The following KLRK1 variants were observed in gnomAD, a reference collection of about 807,000 sequenced individuals.
The protein encoded by KLRK1 is killer cell lectin like receptor K1.
In KLRK1, 40 loss-of-function variants were observed where a neutral mutation model predicts 31.3. The ratio of observed to expected loss-of-function variants is 1.28; its 90% CI spans 0.99 to 1.67. The LOEUF (loss-of-function observed/expected upper bound fraction) is 1.67. Ranked by LOEUF, KLRK1 falls within the 40% of genes most tolerant of loss-of-function variation. KLRK1 has a pLI of 0.00. For missense variants in KLRK1, 251 were observed against 260.0 expected (o/e 0.97, Z 0.24); for synonymous variants, 77 against 77.3 (o/e 1.00, Z 0.02).
At chr12:10,379,595 T>A in intron 4 of KLRK1, 105 bp downstream of exon 4, 1 of 1,338,848 alleles carries the variant, frequency 7.5e-7, no homozygotes. Flanking sequence ...AAGATACATT[T>A]AATATTTCTA....
At chr12:10,382,139 T>G (rs1863086780) in intron 3 of KLRK1, 1 of 152,270 alleles carries the variant, frequency 6.6e-6, no homozygotes, top group Non-Finnish European at 1.5e-5. Flanking sequence ...ATAGCAACCA[T>G]GGCCCTTGGG....
chr12:10,385,536 C>T (rs1863152800), intron 3 of KLRK1, among the ~76,000 whole-genome samples: 1 of 151,932 alleles, frequency 6.6e-6, no homozygotes, highest in African/African-American at 2.4e-5. Context: ...TGTTCTCACT[C>T]ATATGTAGGA....
At chr12:10,385,540 T>C (rs1200432616) in intron 3 of KLRK1, among the ~76,000 whole-genome samples, 1 of 152,040 alleles carries the variant, frequency 6.6e-6, no homozygotes, top group Non-Finnish European at 1.5e-5. Context: ...CTCACTCATA[T>C]GTAGGAGATA....
chr12:10,382,422 C>A (rs1863092537), intron 3 of KLRK1, among the ~76,000 whole-genome samples: 1 of 151,902 alleles, frequency 6.6e-6, no homozygotes, highest in Non-Finnish European at 1.5e-5. Context: ...CTTTATAGGC[C>A]AAGAGGAAGT....
chr12:10,376,875 G>A (rs1029467617), intron 7 of KLRK1, among the ~76,000 whole-genome samples: 3 of 151,962 alleles, frequency 2.0e-5, no homozygotes, highest in East Asian at 3.9e-4. Context: ...GGAGTGCAGC[G>A]GCGCAATCTC....
intron 4 of KLRK1, 69 bp downstream of exon 4, chr12:10,379,631 C>A: frequency 6.8e-7 from 1 of 1,461,282 alleles, no homozygotes; most frequent in Non-Finnish European, 9.3e-7. Flanking sequence ...TTTATGAATA[C>A]TAACAAAAAT....
At chr12:10,388,971 C>T in intron 1 of KLRK1, 96 bp from the exon 2 acceptor site, 1 of 674,818 alleles carries the variant, frequency 1.5e-6, no homozygotes, top group Non-Finnish European at 2.4e-6. Context: ...AAACTTTTCC[C>T]CTGTGCATGC....
At position 10,379,447 on chromosome 12, in the gene KLRK1, C is replaced by T. The variant is rs774643686; in HGVS notation, c.277G>A (p.Glu93Lys). ...TAAAATATTTTAAAAATTCACTTAC[C>T]GGTCAAGGGAATTTGAACTTCTTGG... is the stretch of plus-strand genomic sequence containing the variant. ...FNQEVQIPLTESYCGPCPKNW... is the reference protein window; with the variant it reads ...FNQEVQIPLTKSYCGPCPKNW... Residue 93 changes from glutamate to lysine, a missense_variant and splice_region_variant, in exon 5 of 8, where the codon GAA (glutamate) becomes AAA (lysine). By Grantham distance (56) the Glu-to-Lys change is moderately conservative. Transcript: ENST00000240618. The T allele has an allele frequency of 3.4e-5, 49 of 1,448,498 alleles. No homozygotes were observed. Among genetic ancestry groups the T allele is most frequent in the Middle Eastern group, 1.8e-4 (1 of 5,602 alleles). 89.7% of individuals were successfully genotyped at this position (1,448,498 alleles called of 1,614,324 possible).
intron 5 of KLRK1, 36 bp downstream of exon 5, chr12:10,379,411 A>G: frequency 7.7e-7 from 1 of 1,290,990 alleles, no homozygotes; most frequent in Non-Finnish European, 1.1e-6. Context: ...AGATACATAT[A>G]ATATATGATC....
Position 10,379,897 on chromosome 12 carries a change from G to A in KLRK1, c.149-105C>T, listed in dbSNP as rs543799908. ...GTTTTTTAAATGAGAAGGTGGTATTGATCCTTTTTCTGCCTTAATAATTTT... is the reference window on the plus strand; with the variant it reads ...GTTTTTTAAATGAGAAGGTGGTATTAATCCTTTTTCTGCCTTAATAATTTT... On this transcript the variant is annotated intron_variant, in intron 3 of 7. Transcript: ENST00000240618. 106 of 1,045,388 alleles carry A rather than the reference G, an allele frequency of 1.0e-4. No individual in the cohort carries two copies. In the Admixed American group the frequency reaches 1.3e-3, roughly 13 times the overall value. 64.8% of individuals were successfully genotyped at this position (1,045,388 alleles called of 1,614,324 possible). A position where few individuals can be genotyped will look rare whatever the true frequency, so the allele number is the denominator to read the frequency against.
At chr12:10,375,439 G>A (rs904527519) in intron 7 of KLRK1, among the ~76,000 whole-genome samples, 4 of 152,096 alleles carry the variant, frequency 2.6e-5, no homozygotes, top group Non-Finnish European at 5.9e-5. Context: ...CTGTATACAG[G>A]ATTGTTAAGT....
rs763414932 is a variant in KLRK1, at chr12:10,378,248, A to G, written c.430-13T>C. The G allele has an allele frequency of 9.3e-6, 15 of 1,606,166 alleles. No homozygotes were observed. The highest frequency in any genetic ancestry group is 1.2e-5 in the Non-Finnish European group (14 of 1,176,756). On this transcript the variant is annotated splice_polypyrimidine_tract_variant and intron_variant, in intron 6 of 7. Coordinates refer to ENST00000240618, the MANE Select transcript of KLRK1 (RefSeq NM_007360.4). ...GTTTAAGTAAATCCTGTTTGAAACCACAAATAAACTATAAGTAAAATCAGT... is the reference window on the plus strand; with the variant it reads ...GTTTAAGTAAATCCTGTTTGAAACCGCAAATAAACTATAAGTAAAATCAGT...
intron 7 of KLRK1, chr12:10,373,980 G>T (rs1268318207): frequency 2.6e-5 from 4 of 152,236 alleles, no homozygotes; most frequent in Non-Finnish European, 5.9e-5. Context: ...ATCGGCCACT[G>T]TAGGGAGAAA....
At chr12:10,378,084 C>G (rs1399191947) in intron 7 of KLRK1, 48 bp downstream of exon 7, 1 of 1,557,764 alleles carries the variant, frequency 6.4e-7, no homozygotes, top group Non-Finnish European at 8.8e-7. Flanking sequence ...ACAGGGAAAA[C>G]TTAGGAAAAA....
chr12:10,385,659 C>G (rs1863155087), intron 3 of KLRK1, among the ~76,000 whole-genome samples: 1 of 151,940 alleles, frequency 6.6e-6, no homozygotes, highest in Non-Finnish European at 1.5e-5. Context: ...TACAAAATTA[C>G]AGCTACATGC....
intron 7 of KLRK1, among the ~76,000 whole-genome samples, chr12:10,377,913 T>C (rs185883501): frequency 1.2e-3 from 180 of 152,332 alleles, no homozygotes; most frequent in African/African-American, 3.9e-3. Context: ...CCACAGTACT[T>C]ACCATATAGT....
rs1260169974 is a variant in KLRK1 at position 10,373,062 on chromosome 12, C to A, written c.*52G>T. ...TTAGTCTCAGTTGGCAGTGTTACCG[C>A]TGGTGTAATCTCTTCTCTGTTCCTG... On this transcript the variant is annotated 3_prime_UTR_variant, in exon 8 of 8. Transcript: ENST00000240618. The A allele has an allele frequency of 6.6e-7, 1 of 1,509,848 alleles. No homozygotes were observed. The highest frequency in any genetic ancestry group is 1.4e-5 in the African/African-American group (1 of 72,178). 93.5% of individuals were successfully genotyped at this position (1,509,848 alleles called of 1,614,324 possible).
chr12:10,374,428 T>C (rs1434454182), intron 7 of KLRK1, among the ~76,000 whole-genome samples: 1 of 149,462 alleles, frequency 6.7e-6, no homozygotes, highest in Non-Finnish European at 1.5e-5. Context: ...GTTTTGCTCT[T>C]GTCAGCCAGG....
chr12:10,384,090 T>C (rs368564074), intron 3 of KLRK1, among the ~76,000 whole-genome samples: 1 of 152,002 alleles, frequency 6.6e-6, no homozygotes, highest in African/African-American at 2.4e-5. Context: ...TGTAAAATAC[T>C]GATGAATGAA....
Sources: allele counts gnomAD v4.1 joint callset (sites outside exome capture counted in the v4.1 genomes callset), GRCh38; gene constraint gnomAD v4.1.1; transcripts MANE v1.5; gene names NCBI Gene and HGNC (gene_info 2026-07-23, HGNC 2026-07-21).